The following SPATA6 variants were observed in gnomAD, a reference collection of about 807,000 sequenced individuals.
SPATA6 encodes the protein spermatogenesis associated 6.
Under a neutral mutation model 65.3 loss-of-function variants are expected in SPATA6, and 56 were observed. The observed-to-expected ratio is 0.86, with a 90% CI of 0.69 to 1.07. The LOEUF (loss-of-function observed/expected upper bound fraction) is 1.07. SPATA6 is among the 50% of genes least tolerant of loss of function. SPATA6 has a pLI of 0.00. For missense variants in SPATA6, 590 were observed against 594.8 expected (o/e 0.99, Z 0.08); for synonymous variants, 199 against 213.2 (o/e 0.93, Z 0.58).
chr1:48,268,851 C>T, the SPATA6 span, among the ~76,000 whole-genome samples: 1 of 152,250 alleles, frequency 6.6e-6, no homozygotes, highest in South Asian at 2.1e-4. Flanking sequence ...AAACTAATGA[C>T]AGGGAAAAAG....
At chr1:48,436,529 G>A in intron 3 of SPATA6, 1 of 1,612,108 alleles carries the variant, frequency 6.2e-7, no homozygotes, top group South Asian at 1.1e-5. Context: ...ATTAAAGCCA[G>A]CCATATCCTC....
At chr1:48,406,347 C>A (rs1651702972) in intron 5 of SPATA6, among the ~76,000 whole-genome samples, 1 of 152,016 alleles carries the variant, frequency 6.6e-6, no homozygotes, top group Non-Finnish European at 1.5e-5. Flanking sequence ...AAAGTTATCT[C>A]CTTTATTTAA....
At chr1:48,441,062 A>G (rs1027947868) in intron 3 of SPATA6, among the ~76,000 whole-genome samples, 3 of 152,208 alleles carry the variant, frequency 2.0e-5, no homozygotes, top group Non-Finnish European at 4.4e-5. Context: ...TTGTCCAACA[A>G]GAAACAAGCT....
intron 11 of SPATA6, among the ~76,000 whole-genome samples, chr1:48,333,355 G>C (rs1645969117): frequency 6.6e-6 from 1 of 152,078 alleles, no homozygotes; most frequent in Admixed American, 6.6e-5. Flanking sequence ...TTGGGCCTTT[G>C]GCCACAGACT....
chr1:48,471,863 G>T, intron 1 of SPATA6, 95 bp downstream of exon 1: 1 of 1,408,862 alleles, frequency 7.1e-7, no homozygotes, highest in South Asian at 1.2e-5. Context: ...GATTCGGAGG[G>T]TGAAGGAGGT....
rs1226769872 is a variant in SPATA6, at chr1:48,413,176, TTAAA to T, written c.239-29_239-26del. The T allele has an allele frequency of 3.1e-5, 43 of 1,369,500 alleles. No individual in the cohort carries two copies. In the East Asian group the frequency reaches 1.3e-3, roughly 40 times the overall value. 84.8% of individuals were successfully genotyped at this position (1,369,500 alleles called of 1,614,324 possible). A position where few individuals can be genotyped will look rare whatever the true frequency, so the allele number is the denominator to read the frequency against. On this transcript the variant is annotated intron_variant, in intron 3 of 12. Transcript: ENST00000371847. Reference sequence around the variant, plus strand: ...TCTAAAAGTTTAAAGAAAAATTTCCTTAAATAAACAAATTAATAACAAAAAAATT... The same window carrying T: ...TCTAAAAGTTTAAAGAAAAATTTCCTTAAACAAATTAATAACAAAAAAATT...
rs74525781 is a variant in SPATA6, at chr1:48,358,892, A to G, written c.1094+694T>C. On this transcript the variant is annotated intron_variant, in intron 10 of 12. Transcript: ENST00000371847. The stretch of plus-strand genomic sequence containing the variant: ...TGTATGTTTAAAATAGGTTTGTTTT[A>G]ATATAGCATCCAAACTAACACACTG... 5.7e-3 allele frequency among the ~76,000 whole-genome samples: 861 copies of G among 152,258 alleles called. 10 individuals carry two copies. The highest frequency in any genetic ancestry group is 0.02 in the African/African-American group (839 of 41,548).
chr1:48,415,750 C>T (rs1311199835), intron 3 of SPATA6, among the ~76,000 whole-genome samples: 1 of 144,440 alleles, frequency 6.9e-6, no homozygotes, highest in East Asian at 2.0e-4. Context: ...AAAAAAAAAA[C>T]ACAAAAGTGC....
At chr1:48,442,982 A>G (rs1337550780) in intron 3 of SPATA6, among the ~76,000 whole-genome samples, 1 of 152,156 alleles carries the variant, frequency 6.6e-6, no homozygotes, top group African/African-American at 2.4e-5. Flanking sequence ...CAAAAGTCCA[A>G]CCAGACCTAG....
intron 1 of SPATA6, among the ~76,000 whole-genome samples, chr1:48,460,119 T>G (rs927288527): frequency 6.6e-6 from 1 of 151,880 alleles, no homozygotes; most frequent in African/African-American, 2.4e-5. Context: ...TACAAGCAGG[T>G]GCCACCATGC....
intron 11 of SPATA6, among the ~76,000 whole-genome samples, chr1:48,307,019 T>C (rs1199429574): frequency 9.2e-5 from 14 of 151,878 alleles, no homozygotes; most frequent in Admixed American, 5.2e-4. Context: ...TTCCTTACTA[T>C]TAGATCTTTT....
chr1:48,355,830 ACTAT>A, intron 10 of SPATA6, 61 bp from the exon 11 acceptor site: 1 of 1,344,974 alleles, frequency 7.4e-7, no homozygotes, highest in Non-Finnish European at 1.1e-6. Context: ...TCTAAGCTAT[ACTAT>A]CAAGTTTTCA....
At chr1:48,398,278 T>A (rs1174379192) in intron 7 of SPATA6, among the ~76,000 whole-genome samples, 4 of 151,568 alleles carry the variant, frequency 2.6e-5, no homozygotes, top group Non-Finnish European at 4.4e-5. Context: ...GATAAAACAA[T>A]CTGTTACTTA....
At position 48,395,250 on chromosome 1, in the gene SPATA6, G is replaced by C. The variant is rs763755026; in HGVS notation, c.868+17C>G. On this transcript the variant is annotated intron_variant, in intron 8 of 12. Coordinates refer to ENST00000371847, the MANE Select transcript of SPATA6 (RefSeq NM_019073.4). Reference sequence around the variant, plus strand: ...TCAGGCAACTACAGCAATGAATAAAGACAACTTCTAGCTTACCATTGTGCA... The same window carrying C: ...TCAGGCAACTACAGCAATGAATAAACACAACTTCTAGCTTACCATTGTGCA... The C allele has an allele frequency of 9.9e-6, 15 of 1,514,522 alleles. No individual in the cohort carries two copies. The highest frequency in any genetic ancestry group is 1.3e-5 in the South Asian group (1 of 75,066). 93.8% of individuals were successfully genotyped at this position (1,514,522 alleles called of 1,614,324 possible).
chr1:48,409,613 A>T (rs1183213648), intron 5 of SPATA6, among the ~76,000 whole-genome samples: 1 of 152,240 alleles, frequency 6.6e-6, no homozygotes, highest in South Asian at 2.1e-4. Flanking sequence ...TCGCCCCTGC[A>T]GCAAACTTCT....
At chr1:48,325,418 C>T in intron 11 of SPATA6, 1 of 1,340,742 alleles carries the variant, frequency 7.5e-7, no homozygotes, top group Non-Finnish European at 1.1e-6. Flanking sequence ...CCTCCCCCAG[C>T]TTCTTCTTGA....
At chr1:48,282,034 T>C in the SPATA6 span, among the ~76,000 whole-genome samples, 1 of 152,172 alleles carries the variant, frequency 6.6e-6, no homozygotes, top group South Asian at 2.1e-4. Flanking sequence ...ACGCCACGTA[T>C]CTACAACTAT....
intron 9 of SPATA6, among the ~76,000 whole-genome samples, chr1:48,384,350 C>CAGGGACAGGGACAGGGAG (rs1557647537): frequency 4.7e-5 from 1 of 21,476 alleles, no homozygotes; most frequent in African/African-American, 1.3e-4. Context: ...GGGACAGGGA[C>CAGGGACAGGGACAGGGAG]AGGGAGAGGG....
At chr1:48,263,438 T>C in the SPATA6 span, among the ~76,000 whole-genome samples, 1 of 152,150 alleles carries the variant, frequency 6.6e-6, no homozygotes, top group Non-Finnish European at 1.5e-5. Context: ...TTATTTATTG[T>C]CAATACCCAC....
Sources: gnomAD v4.1 joint callset for allele counts (sites outside exome capture counted in the v4.1 genomes callset) on GRCh38, gnomAD v4.1.1 for gene constraint, MANE v1.5 for transcripts, NCBI Gene and HGNC (gene_info 2026-07-23, HGNC 2026-07-21) for gene names.